Variants in SCFD2 observed in about 807,000 individuals in gnomAD.
The protein encoded by SCFD2 is sec1 family domain-containing protein 2.
A neutral mutation model predicts 58.9 loss-of-function variants in SCFD2; 54 were observed. That is an observed-to-expected ratio of 0.92 (90% CI 0.74 to 1.15). The LOEUF (loss-of-function observed/expected upper bound fraction) is 1.15. Among genes scored for constraint, SCFD2 ranks in the 50% most tolerant of loss-of-function variants. The pLI is 0.00. For synonymous variants in SCFD2, 321 were observed against 335.9 expected (o/e 0.96, Z 0.49); for missense variants, 805 against 836.6 (o/e 0.96, Z 0.47).
chr4:53,345,239 A>C (rs1188568991), intron 2 of SCFD2, among the ~76,000 whole-genome samples: 1 of 152,178 alleles, frequency 6.6e-6, no homozygotes, highest in Non-Finnish European at 1.5e-5. Flanking sequence ...CAAAGAACTT[A>C]AACAAATTTA....
intron 5 of SCFD2, among the ~76,000 whole-genome samples, chr4:53,059,569 T>G (rs1014502413): frequency 2.6e-5 from 4 of 151,722 alleles, no homozygotes; most frequent in African/African-American, 9.7e-5. Context: ...GGTTTAGTGA[T>G]ACAGTATTTA....
At position 53,028,472 on chromosome 4, in the gene SCFD2, A is replaced by G. The variant is rs983238520; in HGVS notation, c.1562-107602T>C. On this transcript the variant is annotated intron_variant, in intron 5 of 8. Transcript: ENST00000401642. ...AGTACTCCTTCTCTCTCCCATGGATATATGTTCTCTGTTCAACACAATCAA... is the reference window on the plus strand; with the variant it reads ...AGTACTCCTTCTCTCTCCCATGGATGTATGTTCTCTGTTCAACACAATCAA... 4.1e-4 allele frequency among the ~76,000 whole-genome samples: 62 copies of G among 152,144 alleles called. 1 individual carries two copies. The highest frequency in any genetic ancestry group is 4.1e-4 in the South Asian group (2 of 4,834).
intron 4 of SCFD2, among the ~76,000 whole-genome samples, chr4:53,214,177 G>T (rs1728725961): frequency 1.3e-5 from 2 of 152,096 alleles, no homozygotes; most frequent in Non-Finnish European, 2.9e-5. Context: ...ACCCAGTAAT[G>T]GGATGGCTAG....
At chr4:53,204,124 C>T (rs977107004) in intron 4 of SCFD2, among the ~76,000 whole-genome samples, 3 of 151,958 alleles carry the variant, frequency 2.0e-5, no homozygotes, top group African/African-American at 7.3e-5. Context: ...TCCAACAAAC[C>T]TCATTCTATA....
rs575977848 is a variant in SCFD2 at position 53,147,602 on chromosome 4, C to CATG, written c.1312-2023_1312-2021dup. ...ACAATTTACCAAGTGTAAACACACACATGCTTCCAAAGGACCAGGGGGCCG... is the reference window on the plus strand; with the variant it reads ...ACAATTTACCAAGTGTAAACACACACATGATGCTTCCAAAGGACCAGGGGGCCG... On this transcript the variant is annotated intron_variant, in intron 4 of 8. Coordinates refer to ENST00000401642, the MANE Select transcript of SCFD2 (RefSeq NM_152540.4). Among the ~76,000 whole-genome samples, 48 of 152,344 alleles carry CATG rather than the reference C, an allele frequency of 3.2e-4. No individual in the cohort carries two copies. In the East Asian group the frequency reaches 7.9e-3, roughly 25 times the overall value.
intron 4 of SCFD2, among the ~76,000 whole-genome samples, chr4:53,227,717 G>T (rs1729268248): frequency 6.6e-6 from 1 of 152,024 alleles, no homozygotes. Flanking sequence ...ACAAATACTG[G>T]AGGGGAGTGC....
chr4:53,123,691 T>C (rs916092846), intron 5 of SCFD2, among the ~76,000 whole-genome samples: 1 of 152,152 alleles, frequency 6.6e-6, no homozygotes, highest in African/African-American at 2.4e-5. Flanking sequence ...AGGACCTTAA[T>C]TGCTCCAGAA....
At chr4:53,139,013 G>A (rs1254282396) in intron 5 of SCFD2, among the ~76,000 whole-genome samples, 1 of 152,160 alleles carries the variant, frequency 6.6e-6, no homozygotes, top group African/African-American at 2.4e-5. Flanking sequence ...TGGGATTGCA[G>A]GTGCGCGCCG....
At chr4:52,996,232 T>TCCAAGTCTCTCTAGCCCAAGTCATAG (rs1411696229) in intron 5 of SCFD2, among the ~76,000 whole-genome samples, 1 of 152,186 alleles carries the variant, frequency 6.6e-6, no homozygotes, top group Non-Finnish European at 1.5e-5. Flanking sequence ...GTCATGCCTT[T>TCCAAGTCTCTCTAGCCCAAGTCATAG]CCAAGTCTCT....
At chr4:53,073,716 C>A (rs1723890268) in intron 5 of SCFD2, among the ~76,000 whole-genome samples, 1 of 138,902 alleles carries the variant, frequency 7.2e-6, no homozygotes, top group South Asian at 2.4e-4. Flanking sequence ...GTGAATATTG[C>A]AATAAAGTAA....
intron 2 of SCFD2, among the ~76,000 whole-genome samples, chr4:53,351,970 CT>C (rs200657485): frequency 0.011 from 1,615 of 152,070 alleles, 15 homozygotes; most frequent in Middle Eastern, 0.041. Context: ...CCTTCTAATA[CT>C]TTTATTTTTT....
At chr4:52,996,160 T>A (rs1721736898) in intron 5 of SCFD2, among the ~76,000 whole-genome samples, 1 of 152,134 alleles carries the variant, frequency 6.6e-6, no homozygotes, top group Non-Finnish European at 1.5e-5. Flanking sequence ...ACCCCCTGAG[T>A]CAGTCAGGGA....
At chr4:53,189,460 T>A (rs1419815765) in intron 4 of SCFD2, among the ~76,000 whole-genome samples, 3 of 152,194 alleles carry the variant, frequency 2.0e-5, no homozygotes, top group Admixed American at 1.3e-4. Context: ...CAAAATATCA[T>A]GGACTGGGTA....
intron 4 of SCFD2, among the ~76,000 whole-genome samples, chr4:53,174,796 A>G (rs998683867): frequency 2.6e-5 from 4 of 152,186 alleles, no homozygotes; most frequent in African/African-American, 9.6e-5. Flanking sequence ...ATGAAGCAGT[A>G]AGTCTTCATA....
intron 5 of SCFD2, among the ~76,000 whole-genome samples, chr4:53,136,457 C>T (rs1467295295): frequency 2.0e-5 from 3 of 152,116 alleles, no homozygotes; most frequent in Admixed American, 6.5e-5. Flanking sequence ...CAGACATCCA[C>T]AAAACTCCCA....
At position 53,226,041 on chromosome 4, in the gene SCFD2, A is replaced by G. The variant is rs183180689; in HGVS notation, c.1311+47785T>C. On this transcript the variant is annotated intron_variant, in intron 4 of 8. Transcript: ENST00000401642. ...GGTCTCAACCTCCAAGCCTCAAGAG[A>G]TCATCCTGCCTTGGCCTCCCGAAGT... Among the ~76,000 whole-genome samples the G allele has an allele frequency of 3.6e-3, 543 of 152,226 alleles. 3 individuals carry two copies. Among genetic ancestry groups the G allele is most frequent in the Non-Finnish European group, 4.6e-3 (316 of 68,016 alleles).
intron 2 of SCFD2, among the ~76,000 whole-genome samples, chr4:53,338,816 G>A (rs1306876070): frequency 2.0e-5 from 3 of 151,548 alleles, no homozygotes; most frequent in East Asian, 1.9e-4. Flanking sequence ...TCCTGACCTC[G>A]TGATCCGCCC....
At chr4:53,332,366 G>A (rs1300424910) in intron 2 of SCFD2, among the ~76,000 whole-genome samples, 12 of 151,480 alleles carry the variant, frequency 7.9e-5, no homozygotes, top group South Asian at 2.1e-4. Flanking sequence ...CTGGCAAAAC[G>A]AATCCAGCAG....
chr4:53,295,395 G>A (rs1731991381), intron 3 of SCFD2, among the ~76,000 whole-genome samples: 1 of 152,028 alleles, frequency 6.6e-6, no homozygotes, highest in Admixed American at 6.6e-5. Context: ...TATTGTCTTT[G>A]TAGCTATTGT....
Sources: gnomAD v4.1 joint callset for allele counts (sites outside exome capture counted in the v4.1 genomes callset) on GRCh38, gnomAD v4.1.1 for gene constraint, MANE v1.5 for transcripts, NCBI Gene and HGNC (gene_info 2026-07-23, HGNC 2026-07-21) for gene names.